GPR158: variants seen among roughly 807,000 people sequenced by gnomAD.
GPR158 encodes the protein G protein-coupled receptor 158.
GPR158 carries 30 observed loss-of-function variants against 78.2 expected under a neutral mutation model. The ratio of observed to expected loss-of-function variants is 0.38; its 90% CI spans 0.29 to 0.52. The LOEUF is 0.52. Ranked by LOEUF, GPR158 falls within the 20% of genes least tolerant of loss-of-function variation. The pLI is 0.83. For missense variants in GPR158, 1,463 were observed against 1,523.5 expected (o/e 0.96, Z 0.66); for synonymous variants, 581 against 591.1 (o/e 0.98, Z 0.25).
At chr10:25,576,876 T>C (rs1837105423) in intron 7 of GPR158, among the ~76,000 whole-genome samples, 1 of 151,960 alleles carries the variant, frequency 6.6e-6, no homozygotes, top group African/African-American at 2.4e-5. Flanking sequence ...TTTTTGATGG[T>C]GTTTTTGTCA....
chr10:25,241,134 T>C (rs1333113623), intron 2 of GPR158, among the ~76,000 whole-genome samples: 1 of 36,858 alleles, frequency 2.7e-5, no homozygotes, highest in African/African-American at 7.7e-5. Flanking sequence ...ATTTTCTTTC[T>C]TTCTTTCTTT....
intron 4 of GPR158, among the ~76,000 whole-genome samples, chr10:25,465,662 G>A (rs1201271439): frequency 6.6e-6 from 1 of 152,212 alleles, no homozygotes; most frequent in Admixed American, 6.5e-5. Flanking sequence ...TAGCGAAGCT[G>A]TGTTTGTGAG....
chr10:25,301,891 T>A (rs901319288), intron 2 of GPR158, among the ~76,000 whole-genome samples: 20 of 152,310 alleles, frequency 1.3e-4, no homozygotes, highest in Admixed American at 3.9e-4. Flanking sequence ...ATCAGTGTCC[T>A]CCTACCTCCT....
chr10:25,311,554 G>C (rs1250806654), intron 2 of GPR158, among the ~76,000 whole-genome samples: 1 of 151,780 alleles, frequency 6.6e-6, no homozygotes, highest in Non-Finnish European at 1.5e-5. Context: ...ACTTTAATTT[G>C]CTTCATCACA....
At chr10:25,355,434 G>A (rs1169742296) in intron 2 of GPR158, among the ~76,000 whole-genome samples, 1 of 151,996 alleles carries the variant, frequency 6.6e-6, no homozygotes, top group African/African-American at 2.4e-5. Context: ...GCTTTTCTAT[G>A]TTTTACTGGA....
chr10:25,234,100 A>G (rs1041937075), intron 2 of GPR158, among the ~76,000 whole-genome samples: 1 of 152,172 alleles, frequency 6.6e-6, no homozygotes, highest in Non-Finnish European at 1.5e-5. Flanking sequence ...AGGAATTTTC[A>G]AGAGTGTAAA....
intron 4 of GPR158, among the ~76,000 whole-genome samples, chr10:25,450,509 CT>C (rs1466233076): frequency 6.7e-6 from 1 of 149,362 alleles, no homozygotes; most frequent in Non-Finnish European, 1.5e-5. Flanking sequence ...TCTTCCCTTT[CT>C]TTTTACCTTC....
intron 2 of GPR158, among the ~76,000 whole-genome samples, chr10:25,371,241 T>G (rs1439988559): frequency 6.6e-6 from 1 of 151,708 alleles, no homozygotes; most frequent in Non-Finnish European, 1.5e-5. Flanking sequence ...TGCTCATTAG[T>G]TGATGCAGTT....
intron 4 of GPR158, among the ~76,000 whole-genome samples, chr10:25,447,270 A>G (rs1253083064): frequency 1.3e-5 from 2 of 152,144 alleles, no homozygotes; most frequent in African/African-American, 2.4e-5. Flanking sequence ...CATGTTCTTG[A>G]AAGAATCAGG....
chr10:25,457,140 C>CTTTTTTT lies in GPR158; in HGVS notation c.1336-9491_1336-9485dup, dbSNP rs11384299. Among the ~76,000 whole-genome samples the CTTTTTTT allele has an allele frequency of 8.4e-4, 50 of 59,414 alleles. 1 individual carries two copies. The highest frequency in any genetic ancestry group is 1.7e-3 in the Admixed American group (7 of 4,134). 39.0% of individuals were successfully genotyped at this position (59,414 alleles called of 152,430 possible). ...GGTGCCTGCCAGCCACCATGCCCAC[C>CTTTTTTT]TTTTTTTTTTTTTTTTTTTTTTTTT... On this transcript the variant is annotated intron_variant, in intron 4 of 10. Transcript: ENST00000376351.
intron 2 of GPR158, among the ~76,000 whole-genome samples, chr10:25,230,761 A>G (rs1853436758): frequency 6.6e-6 from 1 of 152,198 alleles, no homozygotes; most frequent in Non-Finnish European, 1.5e-5. Context: ...TTAAAAATGA[A>G]AAAGGCACAT....
rs749358424 is a variant in GPR158 at position 25,598,489 on chromosome 10, G to A, written c.2863G>A (p.Asp955Asn). ...HSNSDNTETK[D>N]PAPQNSNPAE... is the part of the protein sequence containing the mutation. The stretch of plus-strand genomic sequence containing the variant: ...AAATTCTGATAACACAGAGACTAAA[G>A]ATCCTGCCCCCCAAAACTCAAATCC... The change falls in exon 11 of 11, where the codon GAT becomes AAT. Residue 955 changes from aspartate to asparagine, a missense_variant. Asp to Asn is a conservative substitution (Grantham distance 23). Coordinates refer to ENST00000376351, the MANE Select transcript of GPR158 (RefSeq NM_020752.3). 1 of 1,614,032 alleles carries A rather than the reference G, an allele frequency of 6.2e-7. No individual in the cohort carries two copies. The highest frequency in any genetic ancestry group is 1.3e-5 in the African/African-American group (1 of 75,000).
intron 1 of GPR158, among the ~76,000 whole-genome samples, chr10:25,209,087 C>T (rs564183450): frequency 6.6e-6 from 1 of 152,196 alleles, no homozygotes; most frequent in East Asian, 1.9e-4. Flanking sequence ...AACTCCTGAC[C>T]TCTGATCCGC....
At chr10:25,491,831 G>A (rs1378787211) in intron 5 of GPR158, among the ~76,000 whole-genome samples, 1 of 152,058 alleles carries the variant, frequency 6.6e-6, no homozygotes. Flanking sequence ...TCATTATATG[G>A]ATAGGTCAAA....
At chr10:25,591,370 G>T (rs575115080) in intron 8 of GPR158, among the ~76,000 whole-genome samples, 1 of 152,162 alleles carries the variant, frequency 6.6e-6, no homozygotes, top group African/African-American at 2.4e-5. Context: ...TCAAGGTGAC[G>T]GGAAGTACAT....
At chr10:25,566,372 C>CTGA (rs1221971378) in intron 6 of GPR158, among the ~76,000 whole-genome samples, 3 of 152,138 alleles carry the variant, frequency 2.0e-5, no homozygotes, top group East Asian at 1.9e-4. Flanking sequence ...GAAGTAAGTC[C>CTGA]TGATGCAGGA....
At chr10:25,253,111 A>T (rs1402619583) in intron 2 of GPR158, among the ~76,000 whole-genome samples, 2 of 152,154 alleles carry the variant, frequency 1.3e-5, no homozygotes, top group African/African-American at 4.8e-5. Context: ...TTTGACTCGG[A>T]AAGGGAACTC....
chr10:25,599,012 C>T lies in GPR158; in HGVS notation c.3386C>T (p.Thr1129Ile), dbSNP rs376871482. 1.8e-5 allele frequency: 29 copies of T among 1,614,012 alleles called. No individual in the cohort carries two copies. The African/African-American group carries it at 3.7e-4, about 21-fold the overall frequency. The change falls in exon 11 of 11, where the codon ACA (threonine) becomes ATA (isoleucine). Residue 1129 changes from threonine (T) to isoleucine (I), a missense_variant. Transcript: ENST00000376351. The stretch of plus-strand genomic sequence containing the variant: ...CCCCCCAAAGCTGTAGCATCAAAAA[C>T]AGAGAATGAAAATCTCAACCAAATA... ...ELPPKAVASKTENENLNQIGH... is the reference protein window; with the variant it reads ...ELPPKAVASKIENENLNQIGH...
At chr10:25,505,859 A>G (rs1564473794) in intron 5 of GPR158, among the ~76,000 whole-genome samples, 1 of 152,078 alleles carries the variant, frequency 6.6e-6, no homozygotes, top group Non-Finnish European at 1.5e-5. Context: ...GCTTTTTGTC[A>G]TCAAGAAAGT....
Sources: allele counts gnomAD v4.1 joint callset (sites outside exome capture counted in the v4.1 genomes callset), GRCh38; gene constraint gnomAD v4.1.1; transcripts MANE v1.5; gene names NCBI Gene and HGNC (gene_info 2026-07-23, HGNC 2026-07-21).